The following ABCA13 variants were observed in gnomAD, a reference collection of about 807,000 sequenced individuals.
ABCA13 encodes ATP-binding cassette sub-family A member 13.
ABCA13 carries 476 observed loss-of-function variants against 478.7 expected under a neutral mutation model. The observed-to-expected ratio is 0.99, with a 90% CI of 0.92 to 1.07. ABCA13 has a LOEUF of 1.07. ABCA13 is among the 50% of genes least tolerant of loss of function. ABCA13 has a pLI of 0.00. For missense variants in ABCA13, 6,060 were observed against 5,910.6 expected (o/e 1.03, Z -0.83); for synonymous variants, 2,252 against 2,158.9 (o/e 1.04, Z -1.20).
At chr7:48,183,402 A>G (rs913157543) in intron 1 of ABCA13, among the ~76,000 whole-genome samples, 1 of 152,252 alleles carries the variant, frequency 6.6e-6, no homozygotes, top group African/African-American at 2.4e-5. Flanking sequence ...AATTAGTTCC[A>G]AGATATTGCA....
intron 38 of ABCA13, 145 bp from the exon 39 acceptor site, chr7:48,403,538 C>A: frequency 2.5e-6 from 2 of 802,422 alleles, no homozygotes; most frequent in Non-Finnish European, 3.9e-6. Flanking sequence ...TGGTGAGACT[C>A]ACGTGTGTGT....
At chr7:48,557,470 A>T (rs1407959221) in intron 55 of ABCA13, among the ~76,000 whole-genome samples, 4 of 151,748 alleles carry the variant, frequency 2.6e-5, no homozygotes, top group African/African-American at 9.7e-5. Context: ...CACTGGATAT[A>T]CTCTTGTAGG....
At chr7:48,212,593 A>G (rs1210782111) in intron 3 of ABCA13, among the ~76,000 whole-genome samples, 1 of 152,186 alleles carries the variant, frequency 6.6e-6, no homozygotes, top group Non-Finnish European at 1.5e-5. Context: ...ATTCTTGCTA[A>G]CACTTATTAT....
At chr7:48,592,775 AT>A (rs1278931487) in intron 57 of ABCA13, among the ~76,000 whole-genome samples, 1 of 151,958 alleles carries the variant, frequency 6.6e-6, no homozygotes, top group Non-Finnish European at 1.5e-5. Flanking sequence ...GTGCATATCT[AT>A]TTACAATTAC....
chr7:48,275,040 G>C lies in ABCA13; in HGVS notation c.5374G>C (p.Ala1792Pro). The C allele has an allele frequency of 6.2e-7, 1 of 1,613,654 alleles. No individual in the cohort carries two copies. Among genetic ancestry groups the C allele is most frequent in the Non-Finnish European group, 8.5e-7 (1 of 1,179,746 alleles). ...TISNITKEDF[A>P]IVIKILLDTI... The stretch of plus-strand genomic sequence containing the variant: ...TTCAAATATCACCAAGGAAGACTTC[G>C]CAATTGTGATAAAAATTCTTTTGGA... Residue 1792 changes from alanine to proline, a missense_variant, in exon 17 of 62, where the codon GCA becomes CCA. By Grantham distance (27) the Ala-to-Pro change is conservative. Around this residue, in one of 3 missense-constraint regions of ABCA13, gnomAD observed 4,423 missense variants for 4,309.1 expected, o/e 1.03. Coordinates refer to ENST00000435803, the MANE Select transcript of ABCA13 (RefSeq NM_152701.5).
chr7:48,549,824 A>T (rs1785147530), intron 55 of ABCA13, among the ~76,000 whole-genome samples: 1 of 151,622 alleles, frequency 6.6e-6, no homozygotes, highest in African/African-American at 2.4e-5. Flanking sequence ...AGTGATGTTG[A>T]GCTTCTTTCA....
chr7:48,433,656 T>A (rs1488508185), intron 42 of ABCA13, among the ~76,000 whole-genome samples: 2 of 151,966 alleles, frequency 1.3e-5, no homozygotes, highest in Non-Finnish European at 2.9e-5. Flanking sequence ...AAATTGAAAC[T>A]CTGTACCAAT....
In ABCA13 at chr7:48,372,190, A is replaced by C. The variant is rs78147863; in HGVS notation, c.10826A>C (p.His3609Pro). The C allele has an allele frequency of 5.8e-3, 9,339 of 1,613,412 alleles. 127 individuals are homozygous for C. Among genetic ancestry groups the C allele is most frequent in the Admixed American group, 0.052 (3,104 of 59,932 alleles). ...IEEYMRMMGVHPVIHFLAWFL... is the reference protein window; with the variant it reads ...IEEYMRMMGVPPVIHFLAWFL... ...TAGTATATGCGGATGATGGGAGTGC[A>C]TCCAGTGATCCATTTCCTGGCCTGG... The change falls in exon 33 of 62, where the codon CAT becomes CCT. Residue 3609 changes from histidine (H) to proline (P), a missense_variant. His to Pro is a moderately conservative substitution (Grantham distance 77). This residue lies in a region of ABCA13 where 4,423 missense variants were observed against 4,309.1 expected (regional missense o/e 1.03). Coordinates refer to ENST00000435803, the MANE Select transcript of ABCA13 (RefSeq NM_152701.5).
At chr7:48,286,149 T>A (rs895545202) in intron 19 of ABCA13, among the ~76,000 whole-genome samples, 42 of 152,178 alleles carry the variant, frequency 2.8e-4, no homozygotes, top group Admixed American at 2.2e-3. Flanking sequence ...AGTGGCACAT[T>A]TGTTACAATT....
At chr7:48,643,867 C>G (rs1795270999) in intron 60 of ABCA13, among the ~76,000 whole-genome samples, 1 of 152,298 alleles carries the variant, frequency 6.6e-6, no homozygotes, top group African/African-American at 2.4e-5. Flanking sequence ...TGCCTGGGAC[C>G]TGTTAGACAT....
intron 8 of ABCA13, among the ~76,000 whole-genome samples, chr7:48,235,744 T>C (rs997199311): frequency 6.6e-6 from 1 of 152,198 alleles, no homozygotes; most frequent in Non-Finnish European, 1.5e-5. Flanking sequence ...ATTAACCTGA[T>C]AAAAGACAGA....
intron 19 of ABCA13, among the ~76,000 whole-genome samples, chr7:48,287,167 CT>C (rs1797882481): frequency 6.6e-6 from 1 of 152,086 alleles, no homozygotes; most frequent in African/African-American, 2.4e-5. Context: ...AGAGTGATGC[CT>C]TGTATCTGAT....
rs556574879 is a variant in ABCA13, at chr7:48,463,965, G to A, written c.12816-2991G>A. Among the ~76,000 whole-genome samples the A allele has an allele frequency of 3.9e-5, 6 of 152,184 alleles. No individual in the cohort carries two copies. In the South Asian group the frequency reaches 1.2e-3, roughly 32 times the overall value. Reference sequence around the variant, plus strand: ...ATCCTTGTCTAAATCAGAACCACTGGGGGGACTTGTTAACCAGGAAGGCCC... The same window carrying A: ...ATCCTTGTCTAAATCAGAACCACTGAGGGGACTTGTTAACCAGGAAGGCCC... On this transcript the variant is annotated intron_variant, in intron 43 of 61. Transcript: ENST00000435803.
intron 42 of ABCA13, among the ~76,000 whole-genome samples, chr7:48,451,110 G>C (rs1824971935): frequency 6.6e-6 from 1 of 150,468 alleles, no homozygotes; most frequent in South Asian, 2.1e-4. Context: ...TGATTCTCCT[G>C]CCTCAGCCTC....
chr7:48,409,308 T>C (rs935807902), intron 39 of ABCA13, among the ~76,000 whole-genome samples: 2 of 152,350 alleles, frequency 1.3e-5, no homozygotes, highest in Admixed American at 6.5e-5. Context: ...TCTAGTTTCT[T>C]TGGCCTCTGC....
At chr7:48,468,851 C>A (rs1192034386) in intron 44 of ABCA13, among the ~76,000 whole-genome samples, 1 of 152,196 alleles carries the variant, frequency 6.6e-6, no homozygotes, top group East Asian at 1.9e-4. Context: ...CATACGAAGA[C>A]AATGAAGAGC....
chr7:48,406,362 A>C (rs774969955), intron 39 of ABCA13, among the ~76,000 whole-genome samples: 4 of 152,208 alleles, frequency 2.6e-5, no homozygotes, highest in Non-Finnish European at 4.4e-5. Flanking sequence ...TTGCAAATAG[A>C]GACAATTGTA....
At chr7:48,543,934 A>G (rs1784580989) in intron 55 of ABCA13, among the ~76,000 whole-genome samples, 1 of 151,728 alleles carries the variant, frequency 6.6e-6, no homozygotes, top group African/African-American at 2.4e-5. Context: ...TCCTTCTGGG[A>G]AATTTGTGCC....
chr7:48,517,501 G>A (rs1832219197), intron 52 of ABCA13, among the ~76,000 whole-genome samples: 1 of 152,154 alleles, frequency 6.6e-6, no homozygotes, highest in Admixed American at 6.5e-5. Flanking sequence ...GTTCTGATTA[G>A]CAAGTCATTT....
Sources: gnomAD v4.1 joint callset for allele counts (sites outside exome capture counted in the v4.1 genomes callset) on GRCh38, gnomAD v4.1.1 for gene constraint, gnomAD v4.1.1 regional missense constraint, MANE v1.5 for transcripts, NCBI Gene and HGNC (gene_info 2026-07-23, HGNC 2026-07-21) for gene names.